The following RAD54L variants were observed in gnomAD, a reference collection of about 807,000 sequenced individuals.
RAD54L encodes the protein DNA repair and recombination protein RAD54-like.
A neutral mutation model predicts 91.6 loss-of-function variants in RAD54L; 74 were observed. The ratio of observed to expected loss-of-function variants is 0.81; its 90% CI spans 0.67 to 0.98. The LOEUF (loss-of-function observed/expected upper bound fraction) is 0.98, where lower values mean the gene tolerates loss of function less well. RAD54L is among the 50% of genes least tolerant of loss of function. The pLI, the probability that RAD54L is intolerant of heterozygous loss-of-function variation, is 0.00. For missense variants in RAD54L, 887 were observed against 945.7 expected, an observed-to-expected ratio of 0.94 and a Z score of 0.81; for synonymous variants, 304 against 349.7, an observed-to-expected ratio of 0.87 and a Z score of 1.46.
At chr1:46,269,339 C>T (rs1326762824) in intron 9 of RAD54L, among the ~76,000 whole-genome samples, 6 of 147,780 alleles carry the variant, frequency 4.1e-5, no homozygotes, top group Admixed American at 6.7e-5. Context: ...CACAGGGTCT[C>T]GCTTTGTCAC....
intron 3 of RAD54L, among the ~76,000 whole-genome samples, chr1:46,256,793 T>A (rs1659953899): frequency 6.6e-6 from 1 of 152,222 alleles, no homozygotes; most frequent in African/African-American, 2.4e-5. Flanking sequence ...CATTTCTACA[T>A]ACTTGTTTTC....
At chr1:46,259,273 T>C (rs1660029846) in intron 4 of RAD54L, among the ~76,000 whole-genome samples, 1 of 151,758 alleles carries the variant, frequency 6.6e-6, no homozygotes. Context: ...CCTCGACCTC[T>C]CAAAAAGTGT....
intron 4 of RAD54L, among the ~76,000 whole-genome samples, chr1:46,259,176 CT>C (rs879837565): frequency 3.4e-3 from 496 of 144,164 alleles, no homozygotes; most frequent in East Asian, 4.8e-3. Flanking sequence ...CTCTCTCTCT[CT>C]TTTTTTTTTT....
At chr1:46,262,073 C>T (rs1557702591) in intron 8 of RAD54L, among the ~76,000 whole-genome samples, 4 of 151,086 alleles carry the variant, frequency 2.6e-5, no homozygotes, top group South Asian at 2.1e-4. Context: ...GCTGAGATTG[C>T]GCCACTGCAC....
chr1:46,271,108 A>C (rs1324094860), intron 10 of RAD54L, among the ~76,000 whole-genome samples: 1 of 152,204 alleles, frequency 6.6e-6, no homozygotes, highest in Non-Finnish European at 1.5e-5. Context: ...AGTTGGTCTC[A>C]GACCCGAAAC....
intron 16 of RAD54L, 72 bp from the exon 17 acceptor site, chr1:46,277,745 T>C: frequency 6.6e-7 from 1 of 1,515,652 alleles, no homozygotes; most frequent in Non-Finnish European, 9.1e-7. Context: ...AACCCTTTGG[T>C]TTTCCTGCTC....
chr1:46,273,599 G>A (rs1660500000), intron 13 of RAD54L, 25 bp from the exon 14 acceptor site: 3 of 1,612,906 alleles, frequency 1.9e-6, no homozygotes, highest in East Asian at 4.5e-5. Context: ...GCCAGTAGGG[G>A]ACTGCTGGTT....
At position 46,273,761 on chromosome 1, in the gene RAD54L, T is replaced by G. The variant is rs754905113; in HGVS notation, c.1610+14T>G. 8 of 1,595,326 alleles carry G rather than the reference T, an allele frequency of 5.0e-6. 1 individual carries two copies. The South Asian group carries it at 9.0e-5, about 18-fold the overall frequency. On this transcript the variant is annotated intron_variant, in intron 14 of 17. Coordinates refer to ENST00000371975, the MANE Select transcript of RAD54L (RefSeq NM_003579.4). ...CCGTGCCCGAAGGTAGGGAAGATCCTAACCAGGATGCCAAAGGGGGATATA... is the reference window on the plus strand; with the variant it reads ...CCGTGCCCGAAGGTAGGGAAGATCCGAACCAGGATGCCAAAGGGGGATATA...
rs1042763709 is a variant in RAD54L at position 46,247,977 on chromosome 1, G to T, written c.-429G>T. The T allele has an allele frequency of 2.1e-5, 6 of 282,984 alleles. No individual in the cohort carries two copies. The highest frequency in any genetic ancestry group is 4.2e-5 in the Non-Finnish European group (6 of 144,550). 17.5% of individuals were successfully genotyped at this position (282,984 alleles called of 1,614,324 possible). On this transcript the variant is annotated 5_prime_UTR_variant, in exon 1 of 18. Coordinates refer to ENST00000371975, the MANE Select transcript of RAD54L (RefSeq NM_003579.4). ...TTCTCCAGACTCGCCCTCCCCACCC[G>T]GGCCTCGGACTTTCACCCCAGCTTC... is the stretch of plus-strand genomic sequence containing the variant.
intron 16 of RAD54L, 108 bp downstream of exon 16, chr1:46,274,825 C>G: frequency 7.6e-7 from 1 of 1,313,102 alleles, no homozygotes; most frequent in Admixed American, 1.7e-5. Flanking sequence ...CTAGCAGTAG[C>G]CAAGCTATGG....
rs28363235 is a variant in RAD54L at position 46,272,634 on chromosome 1, G to A, written c.1245-38G>A. 8.8e-4 allele frequency: 1,414 copies of A among 1,614,050 alleles called. 8 individuals are homozygous for A. The African/African-American group carries it at 0.016, about 18-fold the overall frequency. On this transcript the variant is annotated intron_variant, in intron 11 of 17. Transcript: ENST00000371975. ...AGGTGTTCTCAGAGGGCAGGAGGGTGGTCTAGCTTTTTCCACTGACCCAGC... is the reference window on the plus strand; with the variant it reads ...AGGTGTTCTCAGAGGGCAGGAGGGTAGTCTAGCTTTTTCCACTGACCCAGC...
intron 12 of RAD54L, 121 bp from the exon 13 acceptor site, chr1:46,273,234 T>C (rs778144332): frequency 2.3e-6 from 2 of 859,192 alleles, no homozygotes; most frequent in Non-Finnish European, 4.0e-6. Context: ...AGGATGAAGA[T>C]CAAGCAAGTC....
intron 3 of RAD54L, among the ~76,000 whole-genome samples, chr1:46,254,165 T>C (rs114807964): frequency 0.014 from 2,067 of 152,182 alleles, 27 homozygotes; most frequent in Middle Eastern, 0.034. Context: ...AGTAGAGACA[T>C]GGTTTTACCA....
intron 1 of RAD54L, 43 bp downstream of exon 1, chr1:46,248,451 G>C: frequency 6.2e-7 from 1 of 1,614,138 alleles, no homozygotes; most frequent in Non-Finnish European, 8.5e-7. Context: ...CCCTGGGTCA[G>C]GGTCTAGTAG....
chr1:46,256,861 A>C (rs1164256128), intron 3 of RAD54L, among the ~76,000 whole-genome samples: 2 of 151,968 alleles, frequency 1.3e-5, no homozygotes, highest in Non-Finnish European at 2.9e-5. Flanking sequence ...AGTACATTTG[A>C]GGCCAGGTGT....
intron 3 of RAD54L, among the ~76,000 whole-genome samples, chr1:46,251,725 G>C (rs1659803750): frequency 6.6e-6 from 1 of 152,118 alleles, no homozygotes; most frequent in African/African-American, 2.4e-5. Flanking sequence ...CAGGCAACAT[G>C]GTGAAACCCC....
chr1:46,248,445 G>A, intron 1 of RAD54L, 37 bp downstream of exon 1: 1 of 1,614,136 alleles, frequency 6.2e-7, no homozygotes, highest in African/African-American at 1.3e-5. Context: ...GAATAGCCCT[G>A]GGTCAGGGTC....
rs534808402 is a variant in RAD54L at position 46,248,187 on chromosome 1, C to T, written c.-219C>T. 1.5e-5 allele frequency: 10 copies of T among 666,266 alleles called. No homozygotes were observed. The highest frequency in any genetic ancestry group is 2.4e-5 in the Non-Finnish European group (9 of 367,898). 41.3% of individuals were successfully genotyped at this position (666,266 alleles called of 1,614,324 possible). A position where few individuals can be genotyped will look rare whatever the true frequency, so the allele number is the denominator to read the frequency against. ...TCTCTTCCTCTTTGGCCTAATCTCT[C>T]GTCTCGGCTTATTGGGGACGGCCAC... is the stretch of plus-strand genomic sequence containing the variant. On this transcript the variant is annotated 5_prime_UTR_variant, in exon 1 of 18. Transcript: ENST00000371975.
intron 8 of RAD54L, among the ~76,000 whole-genome samples, chr1:46,264,651 C>T (rs1450429080): frequency 6.6e-6 from 1 of 152,234 alleles, no homozygotes; most frequent in Non-Finnish European, 1.5e-5. Context: ...GGATTGACGT[C>T]ATCGTCATCT....
Sources: allele counts gnomAD v4.1 joint callset (sites outside exome capture counted in the v4.1 genomes callset), GRCh38; gene constraint gnomAD v4.1.1; transcripts MANE v1.5; gene names NCBI Gene and HGNC (gene_info 2026-07-23, HGNC 2026-07-21).